TCOF1: variants seen among roughly 807,000 people sequenced by gnomAD.
TCOF1 encodes treacle ribosome biogenesis factor 1, also known as treacle protein.
Under a neutral mutation model 149.0 loss-of-function variants are expected in TCOF1, and 33 were observed. That is an observed-to-expected ratio of 0.22 (90% CI 0.17 to 0.30). The LOEUF (loss-of-function observed/expected upper bound fraction) is 0.30, where lower values mean the gene tolerates loss of function less well. Ranked by LOEUF, TCOF1 falls within the 10% of genes least tolerant of loss-of-function variation. The probability of loss-of-function intolerance (pLI) is 1.00; values close to 1 mark genes in which losing one functional copy is unlikely to be tolerated. For missense variants in TCOF1, 1,728 were observed against 1,840.7 expected (o/e 0.94, Z 1.12); for synonymous variants, 789 against 738.8 (o/e 1.07, Z -1.10).
chr5:150,376,060 C>A, intron 12 of TCOF1, 22 bp from the exon 13 acceptor site: 1 of 1,613,706 alleles, frequency 6.2e-7, no homozygotes, highest in Non-Finnish European at 8.5e-7. Flanking sequence ...CCTTCTCCAG[C>A]CTTTCTTTGG....
At chr5:150,359,141 G>A (rs1367232649) in intron 1 of TCOF1, among the ~76,000 whole-genome samples, 2 of 152,138 alleles carry the variant, frequency 1.3e-5, no homozygotes, top group Non-Finnish European at 2.9e-5. Flanking sequence ...GAGGCCAGGA[G>A]TTCAAAACCA....
chr5:150,399,411 T>G (rs1408003743), intron 26 of TCOF1, among the ~76,000 whole-genome samples: 1 of 152,170 alleles, frequency 6.6e-6, no homozygotes, highest in Non-Finnish European at 1.5e-5. Context: ...CGGTTCATTT[T>G]CCTCATGATC....
Position 150,393,437 on chromosome 5 carries a change from T to C in TCOF1, c.3669T>C (p.Thr1223=). ...TPANSQASKA[T]PKLDSSPSVS... ...CCAATTCCCAGGCCTCAAAAGCCACTCCCAAGCTAGACTCCAGCCCCTCAG... is the reference window on the plus strand; with the variant it reads ...CCAATTCCCAGGCCTCAAAAGCCACCCCCAAGCTAGACTCCAGCCCCTCAG... The change falls in exon 23 of 27, where the codon ACT becomes ACC. Residue 1223 remains threonine, a synonymous_variant. Transcript: ENST00000643257. The C allele has an allele frequency of 3.7e-6, 6 of 1,614,066 alleles. No individual in the cohort carries two copies. Among genetic ancestry groups the C allele is most frequent in the Non-Finnish European group, 5.1e-6 (6 of 1,179,998 alleles).
intron 7 of TCOF1, 145 bp from the exon 8 acceptor site, chr5:150,374,029 G>A (rs1295953954): frequency 3.3e-6 from 3 of 913,620 alleles, no homozygotes; most frequent in Non-Finnish European, 3.5e-6. Context: ...GGCCAGTGTG[G>A]CCAAAGTATC....
chr5:150,376,440 A>G lies in TCOF1; in HGVS notation c.2160A>G (p.Lys720=). Residue 720 remains lysine (K), a synonymous_variant, in exon 14 of 27, where the codon AAA becomes AAG. Coordinates refer to ENST00000643257, the MANE Select transcript of TCOF1 (RefSeq NM_001371623.1). ...VTVGQAKSVG[K]GLQVKAASVP... is the part of the protein sequence containing the mutation. ...CATCCCAGGCAAAGTCTGTGGGGAAAGGCCTCCAGGTGAAAGCAGCCTCAG... is the reference window on the plus strand; with the variant it reads ...CATCCCAGGCAAAGTCTGTGGGGAAGGGCCTCCAGGTGAAAGCAGCCTCAG... The G allele has an allele frequency of 3.1e-6, 5 of 1,614,204 alleles. No individual in the cohort carries two copies. Among genetic ancestry groups the G allele is most frequent in the Non-Finnish European group, 4.2e-6 (5 of 1,180,036 alleles).
intron 3 of TCOF1, among the ~76,000 whole-genome samples, chr5:150,367,372 G>A (rs1471751796): frequency 1.3e-5 from 2 of 152,220 alleles, no homozygotes; most frequent in Non-Finnish European, 2.9e-5. Context: ...GCATGGTTCA[G>A]CCACCTCTCC....
At chr5:150,382,193 T>TA (rs1157175821) in intron 17 of TCOF1, among the ~76,000 whole-genome samples, 1 of 151,878 alleles carries the variant, frequency 6.6e-6, no homozygotes, top group Non-Finnish European at 1.5e-5. Context: ...GGGGTAGACT[T>TA]AAGGCTACTC....
chr5:150,379,949 G>T (rs547236477), intron 17 of TCOF1: 6 of 532,856 alleles, frequency 1.1e-5, no homozygotes, highest in Non-Finnish European at 2.1e-5. Flanking sequence ...GCGGGTGCCT[G>T]TAATCCCAGC....
chr5:150,398,572 G>T, intron 25 of TCOF1, 121 bp downstream of exon 25: 1 of 1,475,170 alleles, frequency 6.8e-7, no homozygotes, highest in Non-Finnish European at 9.4e-7. Flanking sequence ...GGGCGTCAGG[G>T]GTTGTGACAC....
rs1766619544 is a variant in TCOF1 at position 150,387,972 on chromosome 5, A to G, written c.2930A>G (p.Gln977Arg). 1.2e-6 allele frequency: 2 copies of G among 1,613,980 alleles called. No homozygotes were observed. Among genetic ancestry groups the G allele is most frequent in the African/African-American group, 1.3e-5 (1 of 75,036 alleles). The change falls in exon 18 of 27, where the codon CAA becomes CGA. Residue 977 changes from glutamine (Q) to arginine (R), a missense_variant. Around this residue, in one of 2 missense-constraint regions of TCOF1, gnomAD observed 1,696 missense variants for 1,765.4 expected, o/e 0.96. Transcript: ENST00000643257. ...GCTGGCCCAGCTGCTACACCCGCAC[A>G]AGCCCAGGCTGCAAGCACCCCGAGG... Reference protein sequence around the residue: ...SPAGPAATPAQAQAASTPRKA... With the variant: ...SPAGPAATPARAQAASTPRKA...
At chr5:150,364,543 A>G (rs1467901230) in intron 3 of TCOF1, among the ~76,000 whole-genome samples, 1 of 152,194 alleles carries the variant, frequency 6.6e-6, no homozygotes, top group Non-Finnish European at 1.5e-5. Flanking sequence ...GGTGATTCTT[A>G]TTAGCTGGAA....
At chr5:150,383,710 TCC>T (rs747989715) in intron 17 of TCOF1, 21 of 1,551,176 alleles carry the variant, frequency 1.4e-5, no homozygotes, top group African/African-American at 2.7e-5. Flanking sequence ...GTCCCCTGGC[TCC>T]CTGTATCTCT....
rs916886768 is a variant in TCOF1 at position 150,388,105 on chromosome 5, T to C, written c.3046+17T>C. On this transcript the variant is annotated intron_variant, in intron 18 of 26. Transcript: ENST00000643257. ...TGACTCCTGGTGAGCGCAGCCCTTA[T>C]GCAGTGGTGGGAGGGGCTGCCAGCA... is the stretch of plus-strand genomic sequence containing the variant. 17 of 1,612,518 alleles carry C rather than the reference T, an allele frequency of 1.1e-5. No homozygotes were observed. Among genetic ancestry groups the C allele is most frequent in the Admixed American group, 6.7e-5 (4 of 59,936 alleles).
chr5:150,374,233 C>T lies in TCOF1; in HGVS notation c.930C>T (p.Thr310=). ...VRAASAPAKG[T]PGKGATPAPP... ...CTGCCTCAGCCCCTGCCAAGGGGAC[C>T]CCTGGGAAAGGGGCTACCCCAGCAC... Residue 310 remains threonine, a synonymous_variant, in exon 8 of 27, where the codon ACC becomes ACT. Transcript: ENST00000643257. The T allele has an allele frequency of 1.2e-6, 2 of 1,612,250 alleles. No homozygotes were observed. Among genetic ancestry groups the T allele is most frequent in the Non-Finnish European group, 1.7e-6 (2 of 1,179,322 alleles).
chr5:150,383,894 G>C, intron 17 of TCOF1: 2 of 1,532,540 alleles, frequency 1.3e-6, no homozygotes, highest in Non-Finnish European at 1.8e-6. Context: ...TTATCTTCCT[G>C]TACTCCAGAG....
intron 3 of TCOF1, chr5:150,365,142 A>C (rs1761042406): frequency 6.6e-6 from 1 of 151,982 alleles, no homozygotes; most frequent in African/African-American, 2.4e-5. Flanking sequence ...AGCTCAGGGC[A>C]ACCCCCGCCT....
chr5:150,397,530 C>T (rs543031830), intron 24 of TCOF1, among the ~76,000 whole-genome samples: 4 of 152,284 alleles, frequency 2.6e-5, no homozygotes, highest in South Asian at 4.1e-4. Context: ...TAGAAAACTG[C>T]GGCTCGGGCT....
At chr5:150,369,431 C>G in intron 5 of TCOF1, 98 bp from the exon 6 acceptor site, 2 of 1,433,202 alleles carry the variant, frequency 1.4e-6, no homozygotes, top group East Asian at 4.6e-5. Context: ...CGCTCAGCAC[C>G]TGGCTTTGAT....
intron 17 of TCOF1, chr5:150,380,906 G>C (rs1206253431): frequency 2.6e-5 from 4 of 152,318 alleles, no homozygotes; most frequent in African/African-American, 7.2e-5. Flanking sequence ...CTACTCGGGA[G>C]GCTGAGGCAG....
Sources: allele counts gnomAD v4.1 joint callset (sites outside exome capture counted in the v4.1 genomes callset), GRCh38; gene constraint gnomAD v4.1.1; regional missense constraint gnomAD v4.1.1; transcripts MANE v1.5; gene names NCBI Gene and HGNC (gene_info 2026-07-23, HGNC 2026-07-21).